Variants in MOB1B observed in about 807,000 individuals in gnomAD.
The protein encoded by MOB1B is MOB1 Mps One Binder homolog B.
MOB1B carries 19 observed loss-of-function variants against 24.4 expected under a neutral mutation model. That is an observed-to-expected ratio of 0.78 (90% CI 0.54 to 1.14). MOB1B has a LOEUF of 1.14. Ranked by LOEUF, MOB1B falls within the 50% of genes most tolerant of loss-of-function variation. The probability of loss-of-function intolerance (pLI) is 0.00; values close to 1 mark genes in which losing one functional copy is unlikely to be tolerated. For synonymous variants in MOB1B, 76 were observed against 82.1 expected, an observed-to-expected ratio of 0.93 and a Z score of 0.40; for missense variants, 243 against 259.6, an observed-to-expected ratio of 0.94 and a Z score of 0.44.
At chr4:70,975,570 C>T (rs546484454) in intron 4 of MOB1B, 8 of 1,033,928 alleles carry the variant, frequency 7.7e-6, no homozygotes, top group East Asian at 7.1e-5. Flanking sequence ...TGATCTCCCT[C>T]TCTTAAGGTA....
chr4:70,959,638 C>T (rs573821634), intron 2 of MOB1B, among the ~76,000 whole-genome samples: 2 of 152,202 alleles, frequency 1.3e-5, no homozygotes, highest in Non-Finnish European at 2.9e-5. Context: ...AGACATACCA[C>T]TCTCCTTTCT....
chr4:70,905,678 A>G (rs1326431583), intron 1 of MOB1B, among the ~76,000 whole-genome samples: 1 of 152,174 alleles, frequency 6.6e-6, no homozygotes, highest in African/African-American at 2.4e-5. Flanking sequence ...AGCAGAGGAA[A>G]TAAGGGCAAT....
chr4:70,950,720 A>T (rs982094746), intron 1 of MOB1B: 2 of 1,528,944 alleles, frequency 1.3e-6, no homozygotes, highest in Admixed American at 2.0e-5. Flanking sequence ...CCTGAAGTTG[A>T]CTGGAACTTT....
rs2148873250 is a variant in MOB1B at position 70,921,312 on chromosome 4, C to T, written c.14+18762C>T. 2.0e-5 allele frequency among the ~76,000 whole-genome samples: 3 copies of T among 152,220 alleles called. 1 individual carries two copies. In the South Asian group the frequency reaches 6.2e-4, roughly 32 times the overall value. ...TTTAGGCACATGACCAGTAAGTACT[C>T]CAGTGCCAGCACTATCTATGCAAAA... On this transcript the variant is annotated intron_variant, in intron 1 of 5. Coordinates refer to ENST00000309395, the MANE Select transcript of MOB1B (RefSeq NM_173468.4).
intron 1 of MOB1B, among the ~76,000 whole-genome samples, chr4:70,910,406 T>C (rs1735932721): frequency 6.6e-6 from 1 of 151,852 alleles, no homozygotes; most frequent in Non-Finnish European, 1.5e-5. Context: ...TATATACACA[T>C]ACACATGCGT....
chr4:70,963,946 A>G (rs1738414126), intron 2 of MOB1B, among the ~76,000 whole-genome samples: 1 of 152,250 alleles, frequency 6.6e-6, no homozygotes, highest in Admixed American at 6.5e-5. Context: ...AGAATGGTTG[A>G]AACTAAAGTT....
In MOB1B at chr4:70,984,443, G is replaced by C. The variant is rs1313283504; in HGVS notation, c.*2386G>C. The C allele has an allele frequency of 6.6e-6, 1 of 152,170 alleles. No individual in the cohort carries two copies. Among genetic ancestry groups the C allele is most frequent in the Non-Finnish European group, 1.5e-5 (1 of 68,004 alleles). 9.4% of individuals were successfully genotyped at this position (152,170 alleles called of 1,614,324 possible). Reference sequence around the variant, plus strand: ...GATGCCCTTTTAAATATAAGGATCAGTGCTTTGTTCTGCAGCAGAGTTTGC... The same window carrying C: ...GATGCCCTTTTAAATATAAGGATCACTGCTTTGTTCTGCAGCAGAGTTTGC... On this transcript the variant is annotated 3_prime_UTR_variant, in exon 6 of 6. Transcript: ENST00000309395.
At chr4:70,907,963 G>C (rs1191999021) in intron 1 of MOB1B, among the ~76,000 whole-genome samples, 1 of 151,970 alleles carries the variant, frequency 6.6e-6, no homozygotes, top group Non-Finnish European at 1.5e-5. Context: ...ACTTATAAAT[G>C]AAAGTCTGTA....
At position 70,979,254 on chromosome 4, in the gene MOB1B, T is replaced by C. The variant is rs1210780641; in HGVS notation, c.536T>C (p.Leu179Pro). Reference protein sequence around the residue: ...PVIQLQEEAHLNTSFKHFIFF... With the variant: ...PVIQLQEEAHPNTSFKHFIFF... Reference sequence around the variant, plus strand: ...ATCCAGCTTCAGGAGGAAGCACATCTAAATACATCTTTCAAGCACTTTATT... The same window carrying C: ...ATCCAGCTTCAGGAGGAAGCACATCCAAATACATCTTTCAAGCACTTTATT... The change falls in exon 5 of 6, where the codon CTA becomes CCA. Residue 179 changes from leucine (L) to proline (P), a missense_variant. Coordinates refer to ENST00000309395, the MANE Select transcript of MOB1B (RefSeq NM_173468.4). 2.5e-6 allele frequency: 4 copies of C among 1,613,874 alleles called. No individual in the cohort carries two copies. In the South Asian group the frequency reaches 3.3e-5, roughly 13 times the overall value.
At chr4:70,912,202 T>G (rs1351219965) in intron 1 of MOB1B, among the ~76,000 whole-genome samples, 1 of 152,026 alleles carries the variant, frequency 6.6e-6, no homozygotes, top group Non-Finnish European at 1.5e-5. Context: ...CAGCCTTAGG[T>G]CCATCTTTTA....
At chr4:70,953,943 TAAAA>T (rs1415326098) in intron 1 of MOB1B, among the ~76,000 whole-genome samples, 1 of 151,902 alleles carries the variant, frequency 6.6e-6, no homozygotes, top group African/African-American at 2.4e-5. Context: ...GACTCTGTCT[TAAAA>T]AAGAAAATAA....
Position 70,958,990 on chromosome 4 carries a change from C to T in MOB1B, c.131C>T (p.Ala44Val). ...ATLGSGNLRM[A>V]VMLPEGEDLN... is the part of the protein sequence containing the mutation. The stretch of plus-strand genomic sequence containing the variant: ...CTTGGCAGTGGCAACCTTCGGATGG[C>T]TGTCATGCTTCCTGAAGGGGAAGAT... The change falls in exon 2 of 6, where the codon GCT (alanine) becomes GTT (valine). Residue 44 changes from alanine to valine, a missense_variant. Ala to Val is a moderately conservative substitution (Grantham distance 64). Coordinates refer to ENST00000309395, the MANE Select transcript of MOB1B (RefSeq NM_173468.4). The T allele has an allele frequency of 6.2e-7, 1 of 1,614,108 alleles. No homozygotes were observed. Among genetic ancestry groups the T allele is most frequent in the Non-Finnish European group, 8.5e-7 (1 of 1,180,004 alleles).
intron 1 of MOB1B, among the ~76,000 whole-genome samples, chr4:70,935,520 T>C (rs537759630): frequency 1.8e-4 from 27 of 152,322 alleles, no homozygotes; most frequent in Non-Finnish European, 2.6e-4. Flanking sequence ...CTCATTTCAG[T>C]TGGAACTCCA....
rs532267881 is a variant in MOB1B, at chr4:70,934,147, C to T, written c.15-24727C>T. On this transcript the variant is annotated intron_variant, in intron 1 of 5. Coordinates refer to ENST00000309395, the MANE Select transcript of MOB1B (RefSeq NM_173468.4). Reference sequence around the variant, plus strand: ...TTGCCCAGGCTGGAGTGCAGTGGCACGATCTCTGCTCACTACAACCTCTGC... The same window carrying T: ...TTGCCCAGGCTGGAGTGCAGTGGCATGATCTCTGCTCACTACAACCTCTGC... Among the ~76,000 whole-genome samples, 17 of 152,208 alleles carry T rather than the reference C, an allele frequency of 1.1e-4. No homozygotes were observed. In the South Asian group the frequency reaches 3.1e-3, roughly 28 times the overall value.
intron 1 of MOB1B, among the ~76,000 whole-genome samples, chr4:70,932,127 GGATAAAGA>G (rs1736912129): frequency 6.6e-6 from 1 of 152,116 alleles, no homozygotes; most frequent in Non-Finnish European, 1.5e-5. Flanking sequence ...TAGCTACCAA[GGATAAAGA>G]GATGGTACAG....
At chr4:70,947,941 A>C (rs1737652999) in intron 1 of MOB1B, among the ~76,000 whole-genome samples, 1 of 152,196 alleles carries the variant, frequency 6.6e-6, no homozygotes, top group African/African-American at 2.4e-5. Flanking sequence ...AATGAAGTCT[A>C]ATTTATCAGT....
chr4:70,944,087 C>T (rs893808031), intron 1 of MOB1B, among the ~76,000 whole-genome samples: 10 of 151,750 alleles, frequency 6.6e-5, no homozygotes, highest in African/African-American at 2.2e-4. Flanking sequence ...CTTGCTCTGT[C>T]ACCTAGTTGC....
At position 70,985,529 on chromosome 4, in the gene MOB1B, T is replaced by C. The variant is rs931467966; in HGVS notation, c.*3472T>C. 6.6e-6 allele frequency: 1 copy of C among 152,102 alleles called. No homozygotes were observed. Among genetic ancestry groups the C allele is most frequent in the Non-Finnish European group, 1.5e-5 (1 of 68,026 alleles). The allele number at this position is 152,102 out of a possible 1,614,324, so 9.4% of individuals were successfully genotyped here. On this transcript the variant is annotated 3_prime_UTR_variant, in exon 6 of 6. Transcript: ENST00000309395. ...TTTTAAATTTTTTTTATTTTTTTTA[T>C]TTTTATTTCTTTAAGATGGAGTCTT...
intron 1 of MOB1B, among the ~76,000 whole-genome samples, chr4:70,918,068 A>G (rs1736264292): frequency 6.6e-6 from 1 of 152,208 alleles, no homozygotes; most frequent in Admixed American, 6.5e-5. Flanking sequence ...TATCCACAAA[A>G]ATATATCCTA....
Sources: gnomAD v4.1 joint callset for allele counts (sites outside exome capture counted in the v4.1 genomes callset) on GRCh38, gnomAD v4.1.1 for gene constraint, MANE v1.5 for transcripts, NCBI Gene and HGNC (gene_info 2026-07-23, HGNC 2026-07-21) for gene names.